ECHDC1: variants seen among roughly 807,000 people sequenced by gnomAD.
ECHDC1 encodes ethylmalonyl-CoA decarboxylase 1, also known as ethylmalonyl-CoA decarboxylase.
ECHDC1 carries 29 observed loss-of-function variants against 29.7 expected under a neutral mutation model. The observed-to-expected ratio is 0.98, with a 90% confidence interval of 0.73 to 1.33. The LOEUF (loss-of-function observed/expected upper bound fraction) is 1.33. ECHDC1 is among the 40% of genes most tolerant of loss of function. The pLI, the probability that ECHDC1 is intolerant of heterozygous loss-of-function variation, is 0.00. For synonymous variants in ECHDC1, 126 were observed against 123.1 expected (o/e 1.02, Z -0.15); for missense variants, 328 against 350.0 (o/e 0.94, Z 0.50).
intron 2 of ECHDC1, 117 bp from the exon 3 acceptor site, chr6:127,327,261 A>G: frequency 8.5e-7 from 1 of 1,170,358 alleles, no homozygotes; most frequent in South Asian, 1.7e-5. Context: ...ATAAATATTT[A>G]CTGAGTGTCT....
intron 2 of ECHDC1, among the ~76,000 whole-genome samples, chr6:127,329,127 T>C (rs879731729): frequency 2.6e-5 from 4 of 152,116 alleles, no homozygotes; most frequent in Non-Finnish European, 5.9e-5. Context: ...TTTTTAAACC[T>C]TTCCTATGAT....
rs552454509 is a variant in ECHDC1 at position 127,327,506 on chromosome 6, C to G, written c.221-362G>C. On this transcript the variant is annotated intron_variant, in intron 2 of 5. Transcript: ENST00000454859. ...GGGTAAAGATAAGACATAGACCTGA[C>G]TTCTCAGCAATACATGTCTCAGTCA... 2.8e-4 allele frequency among the ~76,000 whole-genome samples: 43 copies of G among 152,244 alleles called. No homozygotes were observed. The South Asian group carries it at 8.5e-3, about 30-fold the overall frequency.
chr6:127,327,857 T>A (rs1295758626), intron 2 of ECHDC1, among the ~76,000 whole-genome samples: 1 of 152,248 alleles, frequency 6.6e-6, no homozygotes, highest in Non-Finnish European at 1.5e-5. Context: ...GGGACTGGCA[T>A]TTTAAGATCT....
intron 5 of ECHDC1, among the ~76,000 whole-genome samples, chr6:127,302,651 C>G (rs942809754): frequency 6.6e-6 from 1 of 152,092 alleles, no homozygotes; most frequent in Non-Finnish European, 1.5e-5. Flanking sequence ...CCACCCACCT[C>G]GATCTCCCAA....
At chr6:127,300,782 C>T (rs368463890) in intron 5 of ECHDC1, among the ~76,000 whole-genome samples, 1 of 152,172 alleles carries the variant, frequency 6.6e-6, no homozygotes, top group African/African-American at 2.4e-5. Flanking sequence ...AGATTTTGGT[C>T]TCATGAGACA....
At chr6:127,340,021 C>A (rs1228399583) in intron 1 of ECHDC1, among the ~76,000 whole-genome samples, 1 of 152,162 alleles carries the variant, frequency 6.6e-6, no homozygotes, top group African/African-American at 2.4e-5. Context: ...TGGTTTTATT[C>A]ATATTTACAA....
rs796463148 is a variant in ECHDC1, at chr6:127,338,336, T to C, written c.-3+5000A>G. Among the ~76,000 whole-genome samples, 135 of 152,234 alleles carry C rather than the reference T, an allele frequency of 8.9e-4. 1 individual carries two copies. Among genetic ancestry groups the C allele is most frequent in the African/African-American group, 3.2e-3 (131 of 41,564 alleles). On this transcript the variant is annotated intron_variant, in intron 1 of 5. Transcript: ENST00000454859. ...AAGCAAAAATAACTCAAATATCTAA[T>C]TGAAAATAGAGCAAAGTATCTCCTT...
chr6:127,306,875 C>T (rs140010719), intron 5 of ECHDC1, among the ~76,000 whole-genome samples: 334 of 152,338 alleles, frequency 2.2e-3, no homozygotes, highest in Non-Finnish European at 2.9e-3. Flanking sequence ...GGAGAATACA[C>T]ATTCTTTTCC....
At position 127,289,658 on chromosome 6, in the gene ECHDC1, GC is replaced by G. The variant is rs1425834628; in HGVS notation, c.*210del. 6.1e-6 allele frequency: 3 copies of G among 490,928 alleles called. No individual in the cohort carries two copies. Among genetic ancestry groups the G allele is most frequent in the Admixed American group, 7.4e-5 (2 of 27,154 alleles). The allele number at this position is 490,928 out of a possible 1,614,324, so 30.4% of individuals were successfully genotyped here. ...TTTTAAGCCAAAAGTGTATATTTTAGCTAAATGTTCCAGATTACGCAGTAAA... is the reference window on the plus strand; with the variant it reads ...TTTTAAGCCAAAAGTGTATATTTTAGTAAATGTTCCAGATTACGCAGTAAA... On this transcript the variant is annotated 3_prime_UTR_variant, in exon 6 of 6. Coordinates refer to ENST00000454859, the MANE Select transcript of ECHDC1 (RefSeq NM_001002030.2).
Position 127,289,102 on chromosome 6 carries a change from TCTG to T in ECHDC1, c.*764_*766del, listed in dbSNP as rs750868921. On this transcript the variant is annotated 3_prime_UTR_variant, in exon 6 of 6. Transcript: ENST00000454859. The stretch of plus-strand genomic sequence containing the variant: ...GTTGTTTTTCAGGAAAAAAAAGAAA[TCTG>T]ATGTAAAAATGCAAATTTATGTTGC... 5 of 152,046 alleles carry T rather than the reference TCTG, an allele frequency of 3.3e-5. No individual in the cohort carries two copies. The highest frequency in any genetic ancestry group is 5.9e-5 in the Non-Finnish European group (4 of 67,964). The allele number at this position is 152,046 out of a possible 1,614,324, so 9.4% of individuals were successfully genotyped here. A position where few individuals can be genotyped will look rare whatever the true frequency, so the allele number is the denominator to read the frequency against.
intron 5 of ECHDC1, among the ~76,000 whole-genome samples, chr6:127,303,334 T>C (rs1188574730): frequency 1.3e-5 from 2 of 152,126 alleles, no homozygotes; most frequent in Non-Finnish European, 2.9e-5. Context: ...AGCCAAGTTG[T>C]GAATACAACA....
At chr6:127,326,491 T>C (rs1365794178) in intron 3 of ECHDC1, 2 of 451,392 alleles carry the variant, frequency 4.4e-6, no homozygotes, top group South Asian at 1.7e-5. Context: ...AATAAATCTA[T>C]GTACCATAGG....
rs759041437 is a variant in ECHDC1 at position 127,331,011 on chromosome 6, CAA to C, written c.16_17del (p.Leu6GlufsTer21). On this transcript the variant is annotated frameshift_variant, in exon 2 of 6. Coordinates refer to ENST00000454859, the MANE Select transcript of ECHDC1 (RefSeq NM_001002030.2). LOFTEE classifies it high-confidence loss of function. The part of the protein sequence containing the change: MAKSL[L>X]KTASLSGRTK... Reference sequence around the variant, plus strand: ...TCCTTCCAGACAGAGAGGCTGTCTTCAAAAGACTTTTCGCCATTTCTGGAAAA... The same window carrying C: ...TCCTTCCAGACAGAGAGGCTGTCTTCAAGACTTTTCGCCATTTCTGGAAAA... 1.9e-5 allele frequency: 30 copies of C among 1,613,168 alleles called. No homozygotes were observed. The East Asian group carries it at 6.5e-4, about 35-fold the overall frequency.
At chr6:127,294,921 T>G (rs1444168607) in intron 5 of ECHDC1, among the ~76,000 whole-genome samples, 2 of 151,932 alleles carry the variant, frequency 1.3e-5, no homozygotes, top group South Asian at 2.1e-4. Context: ...TGTGTGCAAG[T>G]GTGTGTAATA....
At chr6:127,342,967 T>C (rs3756994) in intron 1 of ECHDC1, 3,878 of 152,366 alleles carry the variant, frequency 0.025, 67 homozygotes, top group East Asian at 0.099. Flanking sequence ...TTACCTAACT[T>C]AGCACAGGGC....
At chr6:127,335,086 A>C (rs1784314990) in intron 1 of ECHDC1, among the ~76,000 whole-genome samples, 3 of 152,118 alleles carry the variant, frequency 2.0e-5, no homozygotes, top group African/African-American at 7.2e-5. Flanking sequence ...TAGCTTTAAA[A>C]ATATATCTAA....
chr6:127,318,164 C>T (rs1782551499), intron 3 of ECHDC1, among the ~76,000 whole-genome samples: 1 of 152,144 alleles, frequency 6.6e-6, no homozygotes, highest in Non-Finnish European at 1.5e-5. Flanking sequence ...ACCCCTCCTC[C>T]AAGCATCCTA....
At chr6:127,325,908 G>A (rs1783282660) in intron 3 of ECHDC1, among the ~76,000 whole-genome samples, 1 of 151,970 alleles carries the variant, frequency 6.6e-6, no homozygotes, top group South Asian at 2.1e-4. Context: ...TGGCTATGTT[G>A]TCCAGGCTAG....
intron 1 of ECHDC1, 93 bp from the exon 2 acceptor site, chr6:127,331,123 C>T: frequency 3.4e-6 from 3 of 879,158 alleles, no homozygotes; most frequent in Non-Finnish European, 5.2e-6. Flanking sequence ...ATGGACCCTT[C>T]TGTTGAGTTG....
Sources: gnomAD v4.1 joint callset for allele counts (sites outside exome capture counted in the v4.1 genomes callset) on GRCh38, gnomAD v4.1.1 for gene constraint, MANE v1.5 for transcripts, NCBI Gene and HGNC (gene_info 2026-07-23, HGNC 2026-07-21) for gene names.